The following PRKAR1B variants were observed in gnomAD, a reference collection of about 807,000 sequenced individuals.
PRKAR1B encodes cAMP-dependent protein kinase type I-beta regulatory subunit.
PRKAR1B carries 22 observed loss-of-function variants against 46.5 expected under a neutral mutation model. The ratio of observed to expected loss-of-function variants is 0.47; its 90% CI spans 0.34 to 0.68. The LOEUF (loss-of-function observed/expected upper bound fraction) is 0.68, where lower values mean the gene tolerates loss of function less well. PRKAR1B is among the 30% of genes least tolerant of loss of function. The pLI, the probability that PRKAR1B is intolerant of heterozygous loss-of-function variation, is 0.01. For missense variants in PRKAR1B, 445 were observed against 535.6 expected, an observed-to-expected ratio of 0.83 and a Z score of 1.67; for synonymous variants, 259 against 217.7, an observed-to-expected ratio of 1.19 and a Z score of -1.67.
intron 4 of PRKAR1B, among the ~76,000 whole-genome samples, chr7:645,319 G>T (rs1425206028): frequency 1.3e-5 from 2 of 152,136 alleles, no homozygotes. Context: ...ATGCTTCTAA[G>T]ATCTCACCTA....
intron 9 of PRKAR1B, among the ~76,000 whole-genome samples, chr7:577,039 C>CTCAT (rs1459635833): frequency 2.9e-5 from 4 of 138,578 alleles, no homozygotes; most frequent in Admixed American, 2.8e-4. Flanking sequence ...CATCAGCGGC[C>CTCAT]CCGTCCAACT....
intron 2 of PRKAR1B, among the ~76,000 whole-genome samples, chr7:695,316 G>A (rs1465005497): frequency 1.3e-5 from 2 of 152,172 alleles, no homozygotes; most frequent in Non-Finnish European, 2.9e-5. Flanking sequence ...CCTGGGGATT[G>A]TCCTGGTCCT....
chr7:654,242 C>G (rs1476500837), intron 4 of PRKAR1B, among the ~76,000 whole-genome samples: 21 of 144,202 alleles, frequency 1.5e-4, no homozygotes, highest in African/African-American at 5.4e-4. Context: ...CATCACCATC[C>G]TCATCACCAT....
At chr7:676,903 G>A (rs995065179) in intron 4 of PRKAR1B, among the ~76,000 whole-genome samples, 8 of 150,702 alleles carry the variant, frequency 5.3e-5, no homozygotes, top group South Asian at 2.1e-4. Context: ...CAAGGAGGGC[G>A]GTGGTGATTC....
intron 2 of PRKAR1B, among the ~76,000 whole-genome samples, chr7:701,304 GAAAGAAAGAAAGA>G (rs1295896770): frequency 7.2e-6 from 1 of 137,968 alleles, no homozygotes; most frequent in African/African-American, 3.3e-5. Context: ...GAAAGAAAAA[GAAAGAAAGAAAGA>G]AAAGAAAGAG....
chr7:726,766 G>A (rs1781309739), intron 1 of PRKAR1B: 6 of 1,261,564 alleles, frequency 4.8e-6, no homozygotes, highest in East Asian at 3.1e-5. Context: ...CCCACACCCG[G>A]CTGAGGGGGC....
chr7:657,334 T>C (rs1331442194), intron 4 of PRKAR1B, among the ~76,000 whole-genome samples: 1 of 152,056 alleles, frequency 6.6e-6, no homozygotes, highest in Non-Finnish European at 1.5e-5. Flanking sequence ...AATGGATGCA[T>C]GAGTGAATGT....
intron 7 of PRKAR1B, among the ~76,000 whole-genome samples, chr7:591,491 G>A (rs972256163): frequency 6.6e-6 from 1 of 152,194 alleles, no homozygotes; most frequent in African/African-American, 2.4e-5. Flanking sequence ...CGGGGCCTGG[G>A]TCCCGGCCTC....
At chr7:668,993 T>C (rs1201200696) in intron 4 of PRKAR1B, among the ~76,000 whole-genome samples, 3 of 152,108 alleles carry the variant, frequency 2.0e-5, no homozygotes, top group Admixed American at 2.0e-4. Flanking sequence ...CATCAGCATC[T>C]GCCCAGGAGA....
At position 581,302 on chromosome 7, in the gene PRKAR1B, CAA is replaced by C. The variant is rs758386135; in HGVS notation, c.770-1927_770-1926del. Among the ~76,000 whole-genome samples, 23 of 103,138 alleles carry C rather than the reference CAA, an allele frequency of 2.2e-4. No individual in the cohort carries two copies. In the East Asian group the frequency reaches 4.6e-3, roughly 21 times the overall value. The allele number at this position is 103,138 out of a possible 152,430, so 67.7% of individuals were successfully genotyped here. On this transcript the variant is annotated intron_variant, in intron 8 of 10. Transcript: ENST00000537384. ...TGGGCAACAGAGCAACACTCTGTCT[CAA>C]AAAAAAAAAAAAAAAAAAAAAGTCT... is the stretch of plus-strand genomic sequence containing the variant.
rs1419083309 is a variant in PRKAR1B at position 695,003 on chromosome 7, C to G, written c.178-14277G>C. On this transcript the variant is annotated intron_variant, in intron 2 of 10. Coordinates refer to ENST00000537384, the MANE Select transcript of PRKAR1B (RefSeq NM_001164760.2). ...GTGAGCTCGTGCCACTGCACTCCAG[C>G]CTGGGGGACAGAGCAAGACTCCGTC... is the stretch of plus-strand genomic sequence containing the variant. 2.0e-5 allele frequency among the ~76,000 whole-genome samples: 3 copies of G among 149,850 alleles called. No homozygotes were observed. In the South Asian group the frequency reaches 6.3e-4, roughly 31 times the overall value.
intron 2 of PRKAR1B, among the ~76,000 whole-genome samples, chr7:707,915 C>T (rs1303203957): frequency 6.6e-6 from 1 of 151,092 alleles, no homozygotes; most frequent in Non-Finnish European, 1.5e-5. Flanking sequence ...CCACCTGGAG[C>T]CGGGGGAGAC....
At chr7:613,490 C>T (rs934248119) in intron 4 of PRKAR1B, among the ~76,000 whole-genome samples, 1 of 152,162 alleles carries the variant, frequency 6.6e-6, no homozygotes, top group East Asian at 1.9e-4. Flanking sequence ...TCTGAGGAAG[C>T]GTACGGGATC....
At chr7:550,856 C>T (rs1784139695) in intron 10 of PRKAR1B, among the ~76,000 whole-genome samples, 1 of 152,138 alleles carries the variant, frequency 6.6e-6, no homozygotes, top group African/African-American at 2.4e-5. Flanking sequence ...GGCAATCCTG[C>T]AGGAATGCCC....
At chr7:704,631 C>T (rs1040447883) in intron 2 of PRKAR1B, among the ~76,000 whole-genome samples, 1 of 151,940 alleles carries the variant, frequency 6.6e-6, no homozygotes, top group East Asian at 1.9e-4. Flanking sequence ...CAAAAATGAG[C>T]CAGGCGCGAT....
intron 9 of PRKAR1B, among the ~76,000 whole-genome samples, chr7:562,192 G>A (rs1034688498): frequency 2.4e-4 from 36 of 152,184 alleles, no homozygotes; most frequent in Non-Finnish European, 4.4e-4. Context: ...TGCAGGTTCC[G>A]GGGAACCAGG....
At chr7:706,337 T>C (rs888454462) in intron 2 of PRKAR1B, among the ~76,000 whole-genome samples, 3 of 134,286 alleles carry the variant, frequency 2.2e-5, no homozygotes, top group Admixed American at 7.7e-5. Context: ...AAAAAGAAGA[T>C]TGATGGTGTC....
At chr7:630,891 A>C (rs1783695605) in intron 4 of PRKAR1B, among the ~76,000 whole-genome samples, 3 of 152,030 alleles carry the variant, frequency 2.0e-5, no homozygotes, top group African/African-American at 7.3e-5. Flanking sequence ...GATAAGATGG[A>C]AACTCAGAAG....
intron 9 of PRKAR1B, chr7:578,854 G>C (rs28378190): frequency 0.38 from 116,751 of 305,870 alleles, 24,282 homozygotes; most frequent in African/African-American, 0.49. Flanking sequence ...GCAAATTTTT[G>C]TATTTTTAGT....
Sources: gnomAD v4.1 joint callset for allele counts (sites outside exome capture counted in the v4.1 genomes callset) on GRCh38, gnomAD v4.1.1 for gene constraint, MANE v1.5 for transcripts, NCBI Gene and HGNC (gene_info 2026-07-23, HGNC 2026-07-21) for gene names.